Variants in DOK4 observed in about 807,000 individuals in gnomAD.
DOK4 encodes downstream of tyrosine kinase 4.
A neutral mutation model predicts 40.1 loss-of-function variants in DOK4; 26 were observed. That is an observed-to-expected ratio of 0.65 (90% CI 0.48 to 0.90). DOK4 has a LOEUF of 0.90. Among genes scored for constraint, DOK4 ranks in the 40% least tolerant of loss-of-function variants. The pLI is 0.00. For missense variants in DOK4, 392 were observed against 437.2 expected (o/e 0.90, Z 0.92); for synonymous variants, 179 against 177.0 (o/e 1.01, Z -0.09).
At chr16:57,474,008 A>G (rs1298757652) in exon 7 of DOK4, 2 of 1,614,006 alleles carry the variant, frequency 1.2e-6, no homozygotes, top group African/African-American at 2.7e-5. Context: ...TGTGTCTGGA[A>G]GGTATAGAGT....
chr16:57,476,014 A>G (rs2031167687), intron 2 of DOK4, 57 bp from the exon 3 acceptor site: 3 of 1,426,104 alleles, frequency 2.1e-6, no homozygotes, highest in Non-Finnish European at 9.7e-7. Flanking sequence ...CCCCACCAGC[A>G]TGGCCCTGCA....
rs553875435 is a variant in DOK4 at position 57,475,002 on chromosome 16, A to G, written c.410-20T>C. The G allele has an allele frequency of 6.2e-7, 1 of 1,601,084 alleles. No individual in the cohort carries two copies. The highest frequency in any genetic ancestry group is 1.1e-5 in the South Asian group (1 of 89,212). ...AGCGATCTGGAGTGGGGGAGGGTGGACAAGTGGGACCAGAGTTGCCCCAGA... is the reference window on the plus strand; with the variant it reads ...AGCGATCTGGAGTGGGGGAGGGTGGGCAAGTGGGACCAGAGTTGCCCCAGA... On this transcript the variant is annotated intron_variant, in intron 5 of 8. Transcript: ENST00000340099.
At chr16:57,484,589 T>C (rs1567593265) in intron 1 of DOK4, among the ~76,000 whole-genome samples, 1 of 152,212 alleles carries the variant, frequency 6.6e-6, no homozygotes, top group Non-Finnish European at 1.5e-5. Context: ...AGTAATGCTG[T>C]GGCCCCGTAC....
intron 6 of DOK4, among the ~76,000 whole-genome samples, chr16:57,474,366 TAACTC>T (rs1236928215): frequency 4.7e-4 from 72 of 152,290 alleles, no homozygotes; most frequent in African/African-American, 1.7e-3. Flanking sequence ...AGAAGCTAAG[TAACTC>T]AACCAAGGTT....
intron 2 of DOK4, among the ~76,000 whole-genome samples, chr16:57,478,378 T>G (rs1598053625): frequency 8.2e-6 from 1 of 122,584 alleles, no homozygotes; most frequent in South Asian, 2.7e-4. Context: ...CCAACCCCAC[T>G]CAGGCTGAGC....
At chr16:57,486,044 G>A (rs368725792) in intron 1 of DOK4, among the ~76,000 whole-genome samples, 1 of 152,082 alleles carries the variant, frequency 6.6e-6, no homozygotes, top group African/African-American at 2.4e-5. Flanking sequence ...GTGTGGGTGC[G>A]GGTGAGGTCA....
chr16:57,479,620 G>T lies in DOK4; in HGVS notation c.-113C>A. 1 of 1,123,918 alleles carries T rather than the reference G, an allele frequency of 8.9e-7. No individual in the cohort carries two copies. Among genetic ancestry groups the T allele is most frequent in the Non-Finnish European group, 1.3e-6 (1 of 760,456 alleles). 69.6% of individuals were successfully genotyped at this position (1,123,918 alleles called of 1,614,324 possible). ...CTGTTCCAGACACTCTGTCGGGGCT[G>T]CCGCGAGGGGCTGCTCCTCACCTCA... On this transcript the variant is annotated 5_prime_UTR_variant, in exon 2 of 9. Coordinates refer to ENST00000340099, the Ensembl canonical transcript of DOK4. This position sits in a 1 kb window ranked among gnomAD's most constrained non-coding sequence, Gnocchi z 5.8.
intron 1 of DOK4, among the ~76,000 whole-genome samples, chr16:57,483,630 A>C (rs1463252003): frequency 3.3e-5 from 5 of 152,162 alleles, no homozygotes; most frequent in African/African-American, 1.2e-4. Flanking sequence ...ACTGTTTCTA[A>C]AAAATTTCAA....
intron 1 of DOK4, among the ~76,000 whole-genome samples, chr16:57,480,812 T>C (rs1295061028): frequency 1.3e-5 from 2 of 152,086 alleles, no homozygotes; most frequent in East Asian, 1.9e-4. Flanking sequence ...CTTCATTTTA[T>C]AGATGGAGAA....
chr16:57,477,716 G>T (rs761589322), intron 2 of DOK4, among the ~76,000 whole-genome samples: 1 of 152,202 alleles, frequency 6.6e-6, no homozygotes, highest in Non-Finnish European at 1.5e-5. Flanking sequence ...CTCTGCCGCG[G>T]GAGAAAGGCC....
chr16:57,475,014 A>G, intron 5 of DOK4, 32 bp from the exon 6 acceptor site: 4 of 1,600,360 alleles, frequency 2.5e-6, no homozygotes, highest in Non-Finnish European at 3.4e-6. Flanking sequence ...AAGTGGGACC[A>G]GAGTTGCCCC....
chr16:57,476,094 G>A, intron 2 of DOK4, 137 bp from the exon 3 acceptor site: 1 of 690,322 alleles, frequency 1.4e-6, no homozygotes, highest in Non-Finnish European at 2.5e-6. Flanking sequence ...GGGACACCGG[G>A]GGTGGGAGTC....
chr16:57,475,074 C>A, intron 5 of DOK4, 26 bp downstream of exon 5: 1 of 1,609,286 alleles, frequency 6.2e-7, no homozygotes, highest in Non-Finnish European at 8.5e-7. Context: ...CCCCTCCCCA[C>A]CCCCAGGGCC....
exon 7 of DOK4, chr16:57,474,003 C>G: frequency 1.2e-6 from 2 of 1,614,136 alleles, no homozygotes; most frequent in South Asian, 2.2e-5. Context: ...CCTCTTGTGT[C>G]TGGAAGGTAT....
At chr16:57,482,243 C>T (rs2031435366) in intron 1 of DOK4, among the ~76,000 whole-genome samples, 1 of 152,066 alleles carries the variant, frequency 6.6e-6, no homozygotes, top group Non-Finnish European at 1.5e-5. Context: ...CTTACGGCAG[C>T]CTCAACCACC....
At chr16:57,484,517 A>C (rs1454923727) in intron 1 of DOK4, among the ~76,000 whole-genome samples, 1 of 152,210 alleles carries the variant, frequency 6.6e-6, no homozygotes, top group Non-Finnish European at 1.5e-5. Context: ...CTAGGCAGAC[A>C]GGGACGGCAG....
rs567302822 is a variant in DOK4 at position 57,485,225 on chromosome 16, A to G, written c.-182+1080T>C. Among the ~76,000 whole-genome samples the G allele has an allele frequency of 6.6e-6, 1 of 152,338 alleles. No individual in the cohort carries two copies. The highest frequency in any genetic ancestry group is 1.9e-4 in the East Asian group (1 of 5,186). On this transcript the variant is annotated intron_variant, in intron 1 of 8. Coordinates refer to ENST00000340099, the Ensembl canonical transcript of DOK4. This position sits in a 1 kb window ranked among gnomAD's most constrained non-coding sequence, Gnocchi z 4.3. ...TTGGTTCAGAGCTGCCTCAGGGAAG[A>G]GCATGCTGCTGACATCGAGGCCAGG...
intron 2 of DOK4, among the ~76,000 whole-genome samples, chr16:57,477,193 G>C (rs1410632404): frequency 6.6e-6 from 1 of 152,158 alleles, no homozygotes; most frequent in Admixed American, 6.5e-5. Context: ...TGGCAGGCAG[G>C]GTCCCAGGGT....
Position 57,475,626 on chromosome 16 carries a change from A to G in DOK4, c.175-6T>C. 6.3e-7 allele frequency: 1 copy of G among 1,582,618 alleles called. No individual in the cohort carries two copies. The highest frequency in any genetic ancestry group is 8.6e-7 in the Non-Finnish European group (1 of 1,166,978). On this transcript the variant is annotated splice_region_variant and splice_polypyrimidine_tract_variant and intron_variant, in intron 3 of 8. Coordinates refer to ENST00000340099, the Ensembl canonical transcript of DOK4. Reference sequence around the variant, plus strand: ...ACGTTGCTGATCTCAGTCACCTGGGACAGCATCCACAAGGGACTTAGCCAG... The same window carrying G: ...ACGTTGCTGATCTCAGTCACCTGGGGCAGCATCCACAAGGGACTTAGCCAG...
Sources: allele counts gnomAD v4.1 joint callset (sites outside exome capture counted in the v4.1 genomes callset), GRCh38; gene constraint gnomAD v4.1.1; non-coding constraint Gnocchi (gnomAD v3.1); transcripts MANE v1.5; gene names NCBI Gene and HGNC (gene_info 2026-07-23, HGNC 2026-07-21).